Variants in LRCH3 observed in about 807,000 individuals in gnomAD.
LRCH3 encodes leucine rich repeats and calponin homology domain containing 3.
A neutral mutation model predicts 104.5 loss-of-function variants in LRCH3; 68 were observed. That is an observed-to-expected ratio of 0.65 (90% confidence interval 0.54 to 0.80). The LOEUF (loss-of-function observed/expected upper bound fraction) is 0.80. Among genes scored for constraint, LRCH3 ranks in the 30% least tolerant of loss-of-function variants. The pLI, the probability that LRCH3 is intolerant of heterozygous loss-of-function variation, is 0.00. For synonymous variants in LRCH3, 344 were observed against 361.3 expected (o/e 0.95, Z 0.54); for missense variants, 951 against 953.9 (o/e 1.00, Z 0.04).
intron 17 of LRCH3, among the ~76,000 whole-genome samples, chr3:197,869,702 A>G (rs1417397460): frequency 1.7e-5 from 2 of 119,600 alleles, no homozygotes; most frequent in African/African-American, 4.0e-5. Flanking sequence ...GTAGAAAGCG[A>G]TGCACTGTAC....
At chr3:197,859,773 CT>C (rs199851982) in intron 15 of LRCH3, among the ~76,000 whole-genome samples, 2,665 of 144,456 alleles carry the variant, frequency 0.018, 99 homozygotes, top group African/African-American at 0.061. Context: ...TGTAAGAATC[CT>C]TTTTTTTTTT....
At chr3:197,862,819 C>T (rs922284279) in intron 15 of LRCH3, among the ~76,000 whole-genome samples, 2 of 152,078 alleles carry the variant, frequency 1.3e-5, no homozygotes, top group Admixed American at 6.6e-5. Context: ...TCTATAAACC[C>T]GATGAACGTG....
At chr3:197,840,576 G>C (rs1201888015) in intron 10 of LRCH3, among the ~76,000 whole-genome samples, 1 of 152,220 alleles carries the variant, frequency 6.6e-6, no homozygotes, top group Non-Finnish European at 1.5e-5. Context: ...GGAAATTTCA[G>C]CCTTTAGTTC....
chr3:197,873,256 C>G (rs373314332), intron 19 of LRCH3, among the ~76,000 whole-genome samples: 23 of 152,334 alleles, frequency 1.5e-4, no homozygotes, highest in South Asian at 1.5e-3. Context: ...ACGTTTCTTG[C>G]ATTTTGCCGC....
chr3:197,832,647 G>A (rs902384335), intron 8 of LRCH3, among the ~76,000 whole-genome samples: 1 of 148,034 alleles, frequency 6.8e-6, no homozygotes, highest in Non-Finnish European at 1.5e-5. Context: ...TAAGATTCTT[G>A]CTGTGGTCAT....
chr3:197,882,408 TAAATAA>T, intron 20 of LRCH3: 1 of 974,472 alleles, frequency 1.0e-6, no homozygotes, highest in Non-Finnish European at 1.2e-6. Flanking sequence ...AAATAAGTAT[TAAATAA>T]AAAGTAAGCA....
At chr3:197,817,928 C>T (rs1043996854) in intron 3 of LRCH3, among the ~76,000 whole-genome samples, 1 of 152,192 alleles carries the variant, frequency 6.6e-6, no homozygotes, top group African/African-American at 2.4e-5. Flanking sequence ...TCACGCCATT[C>T]TCCTGCCTCA....
In LRCH3 at chr3:197,826,967, C is replaced by A; in HGVS notation, c.730C>A (p.Gln244Lys). The A allele has an allele frequency of 6.2e-7, 1 of 1,614,030 alleles. No homozygotes were observed. Among genetic ancestry groups the A allele is most frequent in the Non-Finnish European group, 8.5e-7 (1 of 1,180,014 alleles). Residue 244 changes from glutamine (Q) to lysine (K), a missense_variant, in exon 5 of 21, where the codon CAG becomes AAG. Transcript: ENST00000425562. ...PVCYRNLRHL[Q>K]TITLDNNPLQ... Reference sequence around the variant, plus strand: ...TTGTTATCGGAACCTCAGGCACCTACAGACGATCACCCTAGATAACAATCC... The same window carrying A: ...TTGTTATCGGAACCTCAGGCACCTAAAGACGATCACCCTAGATAACAATCC...
At chr3:197,841,437 C>T (rs974038980) in intron 10 of LRCH3, among the ~76,000 whole-genome samples, 2 of 152,326 alleles carry the variant, frequency 1.3e-5, no homozygotes, top group East Asian at 1.9e-4. Flanking sequence ...TGCCACATCT[C>T]GCAAATTCTT....
chr3:197,854,363 C>T lies in LRCH3; in HGVS notation c.1591-29C>T. The T allele has an allele frequency of 6.2e-7, 1 of 1,606,812 alleles. No individual in the cohort carries two copies. The highest frequency in any genetic ancestry group is 8.5e-7 in the Non-Finnish European group (1 of 1,173,254). On this transcript the variant is annotated intron_variant, in intron 13 of 20. Coordinates refer to ENST00000425562, the MANE Select transcript of LRCH3 (RefSeq NM_001365715.1). This position sits in a 1 kb window ranked among gnomAD's most constrained non-coding sequence, Gnocchi z 4.5. The stretch of plus-strand genomic sequence containing the variant: ...ACACGTGTGCGTAGTTTGTTTCTGA[C>T]ATGGCTTCATTTTTCTCCATCTCTC...
rs368207979 is a variant in LRCH3 at position 197,791,477 on chromosome 3, C to T, written c.199C>T (p.Arg67Trp). 437 of 1,601,298 alleles carry T rather than the reference C, an allele frequency of 2.7e-4. 1 individual carries two copies. The highest frequency in any genetic ancestry group is 5.0e-4 in the Middle Eastern group (3 of 6,024). Residue 67 changes from arginine to tryptophan, a missense_variant, in exon 1 of 21, where the codon CGG becomes TGG. Arg to Trp is a moderately radical substitution (Grantham distance 101, BLOSUM62 -3). Transcript: ENST00000425562. The part of the protein sequence containing the change: ...AVTGVLSLSG[R>W]KLREFPRGAA... ...CACTGGGGTGCTGAGCCTGAGCGGCCGGAAACTGAGGGAGTTTCCCCGGGG... is the reference window on the plus strand; with the variant it reads ...CACTGGGGTGCTGAGCCTGAGCGGCTGGAAACTGAGGGAGTTTCCCCGGGG...
At chr3:197,835,268 C>CTGTCTCCCGGGTTCAA (rs1458720579) in intron 8 of LRCH3, among the ~76,000 whole-genome samples, 1 of 151,926 alleles carries the variant, frequency 6.6e-6, no homozygotes, top group African/African-American at 2.4e-5. Context: ...ACCGTAACTT[C>CTGTCTCCCGGGTTCAA]TGTCTCCCGG....
chr3:197,866,765 G>A lies in LRCH3; in HGVS notation c.1873+546G>A, dbSNP rs947901006. On this transcript the variant is annotated intron_variant, in intron 17 of 20. Transcript: ENST00000425562. ...GCCCAGGACTTCAGGGTTACAATGAGTTATAATTAAAAGCACCACTGTTCT... is the reference window on the plus strand; with the variant it reads ...GCCCAGGACTTCAGGGTTACAATGAATTATAATTAAAAGCACCACTGTTCT... Among the ~76,000 whole-genome samples the A allele has an allele frequency of 2.0e-5, 3 of 152,106 alleles. No individual in the cohort carries two copies. In the South Asian group the frequency reaches 6.2e-4, roughly 31 times the overall value.
chr3:197,883,559 C>T lies in LRCH3; in HGVS notation c.2227C>T (p.Leu743Phe). The T allele has an allele frequency of 6.5e-7, 1 of 1,535,926 alleles. No individual in the cohort carries two copies. ...CTTTCAGGAGCAATTATGTTTGCCT[C>T]TCCACATTTTAGAAGAGAAAGGTTT... ...GVPQEQLCLPLHILEEKGLSQ... is the reference protein window; with the variant it reads ...GVPQEQLCLPFHILEEKGLSQ... The change falls in exon 21 of 21, where the codon CTC becomes TTC. Residue 743 changes from leucine (L) to phenylalanine (F), a missense_variant. By Grantham distance (22) the Leu-to-Phe change is conservative (BLOSUM62 0). Transcript: ENST00000425562. This position sits in a 1 kb window ranked among gnomAD's most constrained non-coding sequence, Gnocchi z 4.2.
intron 18 of LRCH3, 120 bp downstream of exon 18, chr3:197,870,398 C>G (rs1712019644): frequency 1.0e-6 from 1 of 954,128 alleles, no homozygotes; most frequent in Non-Finnish European, 1.5e-6. Flanking sequence ...CGGAGTCTCA[C>G]TCTGTCACCC....
chr3:197,800,861 T>A (rs1342717876), intron 1 of LRCH3, among the ~76,000 whole-genome samples: 1 of 152,086 alleles, frequency 6.6e-6, no homozygotes, highest in Non-Finnish European at 1.5e-5. Context: ...TTTGGGAGTT[T>A]AAGGTGGGTG....
intron 4 of LRCH3, among the ~76,000 whole-genome samples, chr3:197,824,770 C>T (rs1351523025): frequency 6.6e-6 from 1 of 151,654 alleles, no homozygotes; most frequent in Non-Finnish European, 1.5e-5. Context: ...TGGGGTTTTA[C>T]CATCTTGGCC....
chr3:197,887,237 C>A lies in LRCH3; in HGVS notation c.*3571C>A, dbSNP rs76805874. Reference sequence around the variant, plus strand: ...TTTTTTTAAATTGGAAAGCACAATTCGGTTTAACATTTAGCTTTGCTTGAC... The same window carrying A: ...TTTTTTTAAATTGGAAAGCACAATTAGGTTTAACATTTAGCTTTGCTTGAC... On this transcript the variant is annotated 3_prime_UTR_variant, in exon 21 of 21. Transcript: ENST00000425562. 14,391 of 151,860 alleles carry A rather than the reference C, an allele frequency of 0.095. 769 individuals carry two copies. Among genetic ancestry groups the A allele is most frequent in the African/African-American group, 0.13 (5,241 of 41,414 alleles). The allele number at this position is 151,860 out of a possible 1,614,324, so 9.4% of individuals were successfully genotyped here. A position where few individuals can be genotyped will look rare whatever the true frequency, so the allele number is the denominator to read the frequency against.
chr3:197,827,851 G>C (rs1156929596), intron 5 of LRCH3, among the ~76,000 whole-genome samples: 1 of 151,954 alleles, frequency 6.6e-6, no homozygotes, highest in Non-Finnish European at 1.5e-5. Flanking sequence ...GGCCGAGGTG[G>C]GCAGATCATG....
Sources: gnomAD v4.1 joint callset for allele counts (sites outside exome capture counted in the v4.1 genomes callset) on GRCh38, gnomAD v4.1.1 for gene constraint, Gnocchi (gnomAD v3.1) non-coding constraint, MANE v1.5 for transcripts, NCBI Gene and HGNC (gene_info 2026-07-23, HGNC 2026-07-21) for gene names.